Variants in LUZP2 observed in about 807,000 individuals in gnomAD.
LUZP2 encodes the protein leucine zipper protein 2.
A neutral mutation model predicts 51.6 loss-of-function variants in LUZP2; 52 were observed. The observed-to-expected ratio is 1.01, with a 90% CI of 0.81 to 1.27. LUZP2 has a LOEUF of 1.27. LUZP2 is among the 50% of genes most tolerant of loss of function. The pLI is 0.00. For missense variants in LUZP2, 436 were observed against 395.4 expected, an observed-to-expected ratio of 1.10 and a Z score of -0.87; for synonymous variants, 154 against 137.3, an observed-to-expected ratio of 1.12 and a Z score of -0.85.
At chr11:24,854,720 C>G (rs1427810302) in intron 5 of LUZP2, among the ~76,000 whole-genome samples, 1 of 151,100 alleles carries the variant, frequency 6.6e-6, no homozygotes, top group East Asian at 1.9e-4. Flanking sequence ...GCCCAAACAA[C>G]TGCCCCATTT....
intron 5 of LUZP2, among the ~76,000 whole-genome samples, chr11:24,830,735 C>G (rs961782580): frequency 1.1e-4 from 16 of 151,994 alleles, no homozygotes; most frequent in African/African-American, 3.9e-4. Context: ...TGGCTCATGC[C>G]TGTAATCCCA....
At chr11:24,725,618 C>T (rs544593558) in intron 1 of LUZP2, among the ~76,000 whole-genome samples, 1 of 150,800 alleles carries the variant, frequency 6.6e-6, no homozygotes, top group South Asian at 2.1e-4. Context: ...ATGTAAATAC[C>T]AATAAGAGGT....
At chr11:24,868,309 C>T (rs774887099) in intron 5 of LUZP2, among the ~76,000 whole-genome samples, 1 of 149,510 alleles carries the variant, frequency 6.7e-6, no homozygotes, top group African/African-American at 2.5e-5. Context: ...AACCTCACCT[C>T]ATTAGTTCAT....
chr11:24,582,581 A>G lies in LUZP2; in HGVS notation c.62+85276A>G, dbSNP rs1852906005. Among the ~76,000 whole-genome samples the G allele has an allele frequency of 2.0e-5, 3 of 152,070 alleles. No homozygotes were observed. The South Asian group carries it at 6.2e-4, about 32-fold the overall frequency. On this transcript the variant is annotated intron_variant, in intron 1 of 11. Coordinates refer to ENST00000336930, the MANE Select transcript of LUZP2 (RefSeq NM_001009909.4). ...AAGAATATATCTCAAGTTTTTTCATATAATAGGAGCTCAATAAATATTTCC... is the reference window on the plus strand; with the variant it reads ...AAGAATATATCTCAAGTTTTTTCATGTAATAGGAGCTCAATAAATATTTCC...
chr11:24,531,039 T>TTTATTATTATTA (rs367681666), intron 1 of LUZP2, among the ~76,000 whole-genome samples: 1,540 of 144,884 alleles, frequency 0.011, 34 homozygotes, highest in African/African-American at 0.038. Flanking sequence ...TTTAGCCTCT[T>TTTATTATTATTA]TTATTATTAT....
At chr11:24,601,978 GTATATATATGTGTATATATGTA>G (rs1355356417) in intron 1 of LUZP2, among the ~76,000 whole-genome samples, 1 of 136,990 alleles carries the variant, frequency 7.3e-6, no homozygotes, top group Non-Finnish European at 1.5e-5. Context: ...ATGTGTATAT[GTATATATATGTGTATATATGTA>G]TATATATGTA....
intron 1 of LUZP2, among the ~76,000 whole-genome samples, chr11:24,642,408 T>C (rs1360441113): frequency 6.6e-6 from 1 of 151,782 alleles, no homozygotes; most frequent in Non-Finnish European, 1.5e-5. Context: ...TGTAGTATCA[T>C]ACTTAATATC....
At chr11:24,918,243 G>A (rs185447653) in intron 7 of LUZP2, among the ~76,000 whole-genome samples, 15 of 152,160 alleles carry the variant, frequency 9.9e-5, no homozygotes, top group Admixed American at 2.0e-4. Context: ...GCGCTGAGAC[G>A]ATGGGGTTTT....
chr11:25,048,911 G>A (rs1346700641), intron 9 of LUZP2, among the ~76,000 whole-genome samples: 1 of 151,826 alleles, frequency 6.6e-6, no homozygotes, highest in Non-Finnish European at 1.5e-5. Flanking sequence ...AGTGAACTCA[G>A]TTACTTTATT....
At chr11:24,856,576 G>T (rs773796291) in intron 5 of LUZP2, among the ~76,000 whole-genome samples, 2 of 151,938 alleles carry the variant, frequency 1.3e-5, no homozygotes, top group African/African-American at 4.8e-5. Context: ...ACAACTGTTG[G>T]ATATCTACCC....
chr11:25,077,278 C>G, intron 10 of LUZP2, 51 bp from the exon 11 acceptor site: 2 of 1,340,124 alleles, frequency 1.5e-6, no homozygotes, highest in Non-Finnish European at 2.1e-6. Flanking sequence ...CTCCCCCCTC[C>G]ACTTTCTTTC....
intron 1 of LUZP2, among the ~76,000 whole-genome samples, chr11:24,574,531 T>C (rs553311691): frequency 8.0e-4 from 122 of 151,938 alleles, no homozygotes; most frequent in Non-Finnish European, 1.6e-3. Flanking sequence ...AAAGAAAAAT[T>C]GCACTGTTCA....
At chr11:24,564,249 G>A (rs1852145917) in intron 1 of LUZP2, among the ~76,000 whole-genome samples, 1 of 152,082 alleles carries the variant, frequency 6.6e-6, no homozygotes. Flanking sequence ...AAATATCCTA[G>A]TTCTGAAAAT....
chr11:24,954,500 G>A (rs1158130018), intron 7 of LUZP2, among the ~76,000 whole-genome samples: 1 of 152,066 alleles, frequency 6.6e-6, no homozygotes, highest in African/African-American at 2.4e-5. Context: ...CTGGGAGTGT[G>A]GGTTGCCAAC....
chr11:24,547,286 C>T (rs953796837), intron 1 of LUZP2, among the ~76,000 whole-genome samples: 3 of 151,748 alleles, frequency 2.0e-5, no homozygotes, highest in Admixed American at 1.3e-4. Flanking sequence ...AAAGAACAAG[C>T]TGGAGGCATT....
intron 5 of LUZP2, among the ~76,000 whole-genome samples, chr11:24,815,366 CG>C (rs1850149574): frequency 6.6e-6 from 1 of 152,058 alleles, no homozygotes; most frequent in Non-Finnish European, 1.5e-5. Flanking sequence ...AAAGAAATTA[CG>C]AAGTATATCT....
chr11:24,741,559 GC>G (rs560402256), intron 4 of LUZP2, among the ~76,000 whole-genome samples: 2 of 151,094 alleles, frequency 1.3e-5, no homozygotes, highest in African/African-American at 2.4e-5. Context: ...TTTATACCTT[GC>G]CCCCCAGTCA....
In LUZP2 at chr11:24,906,061, A is replaced by C. The variant is rs1853443287; in HGVS notation, c.459+8A>C. 2 of 1,610,050 alleles carry C rather than the reference A, an allele frequency of 1.2e-6. No homozygotes were observed. The highest frequency in any genetic ancestry group is 2.2e-5 in the East Asian group (1 of 44,702). ...GGCATTCACGCAGAAGAGGTGAGTAAATTTTTGCTTCTTCTAGCTTTAACC... is the reference window on the plus strand; with the variant it reads ...GGCATTCACGCAGAAGAGGTGAGTACATTTTTGCTTCTTCTAGCTTTAACC... On this transcript the variant is annotated splice_region_variant and intron_variant, in intron 6 of 11. Transcript: ENST00000336930.
chr11:24,963,228 G>T (rs1189990869), intron 7 of LUZP2, among the ~76,000 whole-genome samples: 1 of 152,222 alleles, frequency 6.6e-6, no homozygotes, highest in Non-Finnish European at 1.5e-5. Flanking sequence ...GGACCCACTT[G>T]AGGAGGCAGT....
Sources: gnomAD v4.1 joint callset for allele counts (sites outside exome capture counted in the v4.1 genomes callset) on GRCh38, gnomAD v4.1.1 for gene constraint, MANE v1.5 for transcripts, NCBI Gene and HGNC (gene_info 2026-07-23, HGNC 2026-07-21) for gene names.